VSTM4: variants seen among roughly 807,000 people sequenced by gnomAD.
VSTM4 encodes the protein V-set and transmembrane domain-containing protein 4.
VSTM4 carries 20 observed loss-of-function variants against 36.4 expected under a neutral mutation model. That is an observed-to-expected ratio of 0.55 (90% CI 0.39 to 0.80). The LOEUF (loss-of-function observed/expected upper bound fraction) is 0.80, where lower values mean the gene tolerates loss of function less well. Ranked by LOEUF, VSTM4 falls within the 30% of genes least tolerant of loss-of-function variation. The pLI is 0.00. For synonymous variants in VSTM4, 182 were observed against 173.9 expected, an observed-to-expected ratio of 1.05 and a Z score of -0.37; for missense variants, 392 against 404.5, an observed-to-expected ratio of 0.97 and a Z score of 0.26.
chr10:49,068,028 TC>T (rs918528318), intron 4 of VSTM4, among the ~76,000 whole-genome samples: 6 of 152,254 alleles, frequency 3.9e-5, no homozygotes, highest in Non-Finnish European at 5.9e-5. Flanking sequence ...TATGTTTTTT[TC>T]ATCAGTATGA....
intron 2 of VSTM4, among the ~76,000 whole-genome samples, chr10:49,101,660 A>G (rs573736667): frequency 6.6e-6 from 1 of 152,372 alleles, no homozygotes; most frequent in South Asian, 2.1e-4. Context: ...ATAAATTTGT[A>G]AAGTCTTTTC....
chr10:49,064,184 T>G (rs2131977662), intron 5 of VSTM4: 1 of 153,366 alleles, frequency 6.5e-6, no homozygotes, highest in Admixed American at 6.5e-5. Flanking sequence ...GGTTTAAAGC[T>G]TTACTCAGCA....
chr10:49,105,152 A>G (rs1844750498), intron 2 of VSTM4, among the ~76,000 whole-genome samples: 1 of 149,528 alleles, frequency 6.7e-6, no homozygotes, highest in South Asian at 2.2e-4. Flanking sequence ...AGAGAGACCA[A>G]AAGACAAAGA....
chr10:49,037,561 G>C (rs1480376110), intron 7 of VSTM4, among the ~76,000 whole-genome samples: 1 of 152,186 alleles, frequency 6.6e-6, no homozygotes, highest in Non-Finnish European at 1.5e-5. Flanking sequence ...CCCTGCTGAG[G>C]ATATCATTAG....
intron 5 of VSTM4, among the ~76,000 whole-genome samples, chr10:49,062,094 C>T (rs1843887796): frequency 6.6e-6 from 1 of 152,188 alleles, no homozygotes; most frequent in Non-Finnish European, 1.5e-5. Flanking sequence ...CACCAACATT[C>T]CATTGCTTTG....
At chr10:49,048,642 GA>G (rs367646384) in intron 5 of VSTM4, 58 bp from the exon 6 acceptor site, 16,118 of 1,108,828 alleles carry the variant, frequency 0.015, no homozygotes, top group East Asian at 0.021. Context: ...AAAGAGAAAG[GA>G]AAAAAAAAAA....
intron 7 of VSTM4, among the ~76,000 whole-genome samples, chr10:49,027,862 A>T (rs183365080): frequency 9.2e-5 from 14 of 152,314 alleles, no homozygotes; most frequent in African/African-American, 3.4e-4. Flanking sequence ...GGTTGTTCCA[A>T]GTTTTTAGTG....
intron 4 of VSTM4, among the ~76,000 whole-genome samples, chr10:49,074,066 T>C (rs1232157121): frequency 3.3e-5 from 5 of 152,206 alleles, no homozygotes; most frequent in Non-Finnish European, 2.9e-5. Flanking sequence ...CCTTGTCCCC[T>C]GCATGTTGAG....
chr10:49,069,811 T>C lies in VSTM4; in HGVS notation c.635-5075A>G, dbSNP rs117414772. On this transcript the variant is annotated intron_variant, in intron 4 of 7. Transcript: ENST00000332853. ...ATTTCTCACATGCAAAGGACCAGCA[T>C]GCACAGCTGTCTGTCCAGGGTCCCA... is the stretch of plus-strand genomic sequence containing the variant. Among the ~76,000 whole-genome samples the C allele has an allele frequency of 9.8e-5, 15 of 152,332 alleles. No individual in the cohort carries two copies. The East Asian group carries it at 2.9e-3, about 29-fold the overall frequency.
intron 7 of VSTM4, among the ~76,000 whole-genome samples, chr10:49,025,250 A>G (rs1178159905): frequency 6.6e-6 from 1 of 152,206 alleles, no homozygotes; most frequent in East Asian, 1.9e-4. Flanking sequence ...AAATGAATAC[A>G]TAAGTCAAGG....
chr10:49,042,491 G>A (rs1590080251), intron 7 of VSTM4, among the ~76,000 whole-genome samples: 1 of 152,234 alleles, frequency 6.6e-6, no homozygotes, highest in South Asian at 2.1e-4. Flanking sequence ...CACATATAGA[G>A]AGCAGCTAGG....
chr10:49,103,598 C>T, intron 2 of VSTM4: 1 of 1,448,198 alleles, frequency 6.9e-7, no homozygotes, highest in Non-Finnish European at 9.1e-7. Flanking sequence ...CTTCTCAGAA[C>T]TGGGAGTTAT....
intron 6 of VSTM4, among the ~76,000 whole-genome samples, chr10:49,047,823 G>A (rs1420914359): frequency 6.6e-6 from 1 of 152,164 alleles, no homozygotes; most frequent in Non-Finnish European, 1.5e-5. Context: ...GAATAGAATT[G>A]TTCATTTGGG....
chr10:49,107,660 C>T lies in VSTM4; in HGVS notation c.391G>A (p.Glu131Lys), dbSNP rs868605767. 1 of 1,614,178 alleles carries T rather than the reference C, an allele frequency of 6.2e-7. No homozygotes were observed. The highest frequency in any genetic ancestry group is 1.7e-4 in the Middle Eastern group (1 of 6,060). Reference sequence around the variant, plus strand: ...CACTTGTTCCTGTGCCTGCTGATTTCCTGGACTCTGCAGACGTAATGCCCT... The same window carrying T: ...CACTTGTTCCTGTGCCTGCTGATTTTCTGGACTCTGCAGACGTAATGCCCT... Reference protein sequence around the residue: ...DQGHYVCRVQEISRHRNKWTA... With the variant: ...DQGHYVCRVQKISRHRNKWTA... Residue 131 changes from glutamate (E) to lysine (K), a missense_variant, in exon 2 of 8, where the codon GAA becomes AAA. Transcript: ENST00000332853.
At position 49,014,470 on chromosome 10, in the gene VSTM4, C is replaced by T. The variant is rs1480686792; in HGVS notation, c.*5180G>A. ...AGAAAACCTCCATGGCCACCCTTCC[C>T]CACCACGCTGCGTGTTCAGGAAGAG... On this transcript the variant is annotated 3_prime_UTR_variant, in exon 8 of 8. Coordinates refer to ENST00000332853, the MANE Select transcript of VSTM4 (RefSeq NM_001031746.5). The T allele has an allele frequency of 6.6e-6, 1 of 152,150 alleles. No individual in the cohort carries two copies. The highest frequency in any genetic ancestry group is 1.5e-5 in the Non-Finnish European group (1 of 68,036). 9.4% of individuals were successfully genotyped at this position (152,150 alleles called of 1,614,324 possible). A position where few individuals can be genotyped will look rare whatever the true frequency, so the allele number is the denominator to read the frequency against.
At chr10:49,069,536 C>A (rs1209232241) in intron 4 of VSTM4, among the ~76,000 whole-genome samples, 1 of 152,200 alleles carries the variant, frequency 6.6e-6, no homozygotes, top group East Asian at 1.9e-4. Flanking sequence ...CAGGGCTCAA[C>A]CCACAGCCCC....
chr10:49,037,520 G>GAT (rs1246828342), intron 7 of VSTM4, among the ~76,000 whole-genome samples: 1 of 152,168 alleles, frequency 6.6e-6, no homozygotes, highest in Non-Finnish European at 1.5e-5. Context: ...CATATACATT[G>GAT]GCCAAAGGGG....
intron 2 of VSTM4, among the ~76,000 whole-genome samples, chr10:49,105,047 G>C (rs1452909735): frequency 6.8e-6 from 1 of 148,022 alleles, no homozygotes; most frequent in Non-Finnish European, 1.5e-5. Flanking sequence ...GAGAGACAGA[G>C]GGAGACAGAG....
intron 2 of VSTM4, among the ~76,000 whole-genome samples, chr10:49,101,069 A>T (rs568528147): frequency 2.6e-5 from 4 of 152,122 alleles, no homozygotes; most frequent in African/African-American, 9.7e-5. Context: ...TCATCTAAAA[A>T]TATTAAAGAA....
Sources: allele counts gnomAD v4.1 joint callset (sites outside exome capture counted in the v4.1 genomes callset), GRCh38; gene constraint gnomAD v4.1.1; transcripts MANE v1.5; gene names NCBI Gene and HGNC (gene_info 2026-07-23, HGNC 2026-07-21).